The following MGLL variants were observed in gnomAD, a reference collection of about 807,000 sequenced individuals.
MGLL encodes the protein lysophospholipase homolog.
In MGLL, 7 loss-of-function variants were observed where a neutral mutation model predicts 29.1. The ratio of observed to expected loss-of-function variants is 0.24; its 90% CI spans 0.14 to 0.45. The LOEUF is 0.45. MGLL is among the 20% of genes least tolerant of loss of function. The pLI, the probability that MGLL is intolerant of heterozygous loss-of-function variation, is 0.99. For missense variants in MGLL, 356 were observed against 413.6 expected (o/e 0.86, Z 1.21); for synonymous variants, 148 against 168.3 (o/e 0.88, Z 0.93).
chr3:127,811,892 G>C (rs931713216), intron 2 of MGLL, among the ~76,000 whole-genome samples: 2 of 152,228 alleles, frequency 1.3e-5, no homozygotes, highest in Non-Finnish European at 2.9e-5. Context: ...ACATGCAGGA[G>C]CCCAGCTGGG....
chr3:127,784,973 C>T (rs532581684), intron 2 of MGLL, among the ~76,000 whole-genome samples: 8 of 152,282 alleles, frequency 5.3e-5, no homozygotes, highest in East Asian at 1.9e-4. Flanking sequence ...TCCCGAGCTC[C>T]GAGGCCTCCT....
intron 3 of MGLL, among the ~76,000 whole-genome samples, chr3:127,759,204 C>T (rs910481649): frequency 1.3e-5 from 2 of 152,270 alleles, no homozygotes; most frequent in African/African-American, 2.4e-5. Flanking sequence ...GGATTACAGG[C>T]GTGAGCCACT....
intron 5 of MGLL, among the ~76,000 whole-genome samples, chr3:127,716,282 C>A (rs766626621): frequency 6.6e-6 from 1 of 152,242 alleles, no homozygotes; most frequent in East Asian, 1.9e-4. Context: ...AGTTTCTTCA[C>A]CTGTAAGACA....
At chr3:127,705,529 C>G (rs1027801791) in intron 6 of MGLL, among the ~76,000 whole-genome samples, 3 of 152,072 alleles carry the variant, frequency 2.0e-5, no homozygotes, top group Admixed American at 2.0e-4. Flanking sequence ...GTAATCCCAG[C>G]ACTTTGGGAG....
intron 6 of MGLL, among the ~76,000 whole-genome samples, chr3:127,698,201 G>A (rs2075409595): frequency 6.6e-6 from 1 of 152,174 alleles, no homozygotes; most frequent in East Asian, 1.9e-4. Context: ...ACCACAGCCT[G>A]GACCGGAGGT....
At chr3:127,710,133 A>C (rs1258556040) in intron 6 of MGLL, among the ~76,000 whole-genome samples, 1 of 152,156 alleles carries the variant, frequency 6.6e-6, no homozygotes, top group African/African-American at 2.4e-5. Context: ...CTTGGCCTTC[A>C]CTGGGGGAAA....
At chr3:127,779,171 G>A (rs2077083579) in intron 3 of MGLL, among the ~76,000 whole-genome samples, 1 of 149,804 alleles carries the variant, frequency 6.7e-6, no homozygotes, top group Non-Finnish European at 1.5e-5. Flanking sequence ...TTCGAGACCA[G>A]CCTGGCCAAT....
intron 3 of MGLL, among the ~76,000 whole-genome samples, chr3:127,772,506 G>A (rs1451868560): frequency 6.6e-6 from 1 of 152,214 alleles, no homozygotes; most frequent in East Asian, 1.9e-4. Context: ...GAACCGTCCT[G>A]CACACTACCG....
intron 3 of MGLL, among the ~76,000 whole-genome samples, chr3:127,777,918 T>G (rs931709818): frequency 3.9e-5 from 6 of 152,216 alleles, no homozygotes; most frequent in African/African-American, 1.4e-4. Flanking sequence ...ATCACAATTT[T>G]CACTGCTGGC....
chr3:127,740,610 G>C (rs1469816724), intron 3 of MGLL, among the ~76,000 whole-genome samples: 2 of 152,190 alleles, frequency 1.3e-5, no homozygotes, highest in Admixed American at 6.5e-5. Flanking sequence ...CAGGGCAGTA[G>C]GGGGTACACC....
chr3:127,737,730 C>G (rs1007228619), intron 3 of MGLL, among the ~76,000 whole-genome samples: 2 of 147,852 alleles, frequency 1.4e-5, no homozygotes, highest in Non-Finnish European at 3.0e-5. Flanking sequence ...CTGCAACCTC[C>G]ACCTCCCGGG....
intron 7 of MGLL, among the ~76,000 whole-genome samples, chr3:127,694,690 AG>A (rs2075322162): frequency 6.6e-6 from 1 of 152,194 alleles, no homozygotes; most frequent in African/African-American, 2.4e-5. Context: ...TTATTTGCTC[AG>A]TGCCCAGTTG....
chr3:127,718,075 G>A (rs2075849914), intron 5 of MGLL, among the ~76,000 whole-genome samples: 2 of 151,984 alleles, frequency 1.3e-5, no homozygotes, highest in African/African-American at 4.8e-5. Context: ...ATCCCAGCTT[G>A]TTGAAAACCA....
chr3:127,792,499 C>A (rs1198972203), intron 2 of MGLL, among the ~76,000 whole-genome samples: 2 of 152,104 alleles, frequency 1.3e-5, no homozygotes, highest in African/African-American at 4.8e-5. Context: ...GTCAAGAAAT[C>A]GAGACCATCC....
chr3:127,815,008 G>C (rs956914405), intron 2 of MGLL, among the ~76,000 whole-genome samples: 1 of 152,180 alleles, frequency 6.6e-6, no homozygotes, highest in African/African-American at 2.4e-5. Context: ...TTTTCTCAGA[G>C]TTTAAGAGTA....
chr3:127,754,996 G>A (rs767778520), intron 3 of MGLL, among the ~76,000 whole-genome samples: 6 of 152,166 alleles, frequency 3.9e-5, no homozygotes, highest in South Asian at 4.2e-4. Context: ...GGGTTTCCAC[G>A]AGATGGTGGG....
intron 6 of MGLL, among the ~76,000 whole-genome samples, chr3:127,700,283 G>A (rs745824127): frequency 1.1e-4 from 17 of 152,192 alleles, no homozygotes; most frequent in Non-Finnish European, 2.2e-4. Context: ...TTGAATGGCC[G>A]GAGACATAAT....
At chr3:127,692,918 G>A (rs1476580000) in intron 7 of MGLL, among the ~76,000 whole-genome samples, 3 of 152,172 alleles carry the variant, frequency 2.0e-5, no homozygotes, top group Non-Finnish European at 2.9e-5. Flanking sequence ...CTCTGCAGGC[G>A]GCTGGACTAC....
At chr3:127,790,772 C>G (rs114639347) in intron 2 of MGLL, among the ~76,000 whole-genome samples, 1,747 of 152,196 alleles carry the variant, frequency 0.011, 43 homozygotes, top group South Asian at 0.095. Flanking sequence ...TTGCCTCCCC[C>G]ACACCAGAAT....
Sources: allele counts gnomAD v4.1 joint callset (sites outside exome capture counted in the v4.1 genomes callset), GRCh38; gene constraint gnomAD v4.1.1; transcripts MANE v1.5; gene names NCBI Gene and HGNC (gene_info 2026-07-23, HGNC 2026-07-21).